The following KANK3 variants were observed in gnomAD, a reference collection of about 807,000 sequenced individuals.
KANK3 encodes KN motif and ankyrin repeat domains 3.
Under a neutral mutation model 65.4 loss-of-function variants are expected in KANK3, and 61 were observed. The ratio of observed to expected loss-of-function variants is 0.93; its 90% CI spans 0.76 to 1.15. The LOEUF (loss-of-function observed/expected upper bound fraction) is 1.15. Ranked by LOEUF, KANK3 falls within the 50% of genes most tolerant of loss-of-function variation. KANK3 has a pLI of 0.00. For synonymous variants in KANK3, 586 were observed against 543.3 expected (o/e 1.08, Z -1.09); for missense variants, 1,187 against 1,178.8 (o/e 1.01, Z -0.10).
At chr19:8,341,534 C>T (rs1426470128) in intron 1 of KANK3, among the ~76,000 whole-genome samples, 13 of 152,112 alleles carry the variant, frequency 8.5e-5, no homozygotes. Flanking sequence ...CCTCAGCCTC[C>T]CAAGCAGCTG....
rs750844441 is a variant in KANK3 at position 8,333,056 on chromosome 19, A to G, written c.1894T>C (p.Ser632Pro). 2 of 1,349,054 alleles carry G rather than the reference A, an allele frequency of 1.5e-6. No homozygotes were observed. The highest frequency in any genetic ancestry group is 4.3e-5 in the Admixed American group (2 of 46,026). The allele number at this position is 1,349,054 out of a possible 1,614,324, so 83.6% of individuals were successfully genotyped here. Residue 632 changes from serine (S) to proline (P), a missense_variant, in exon 7 of 11, where the codon TCC (serine) becomes CCC (proline). Coordinates refer to ENST00000330915, the MANE Select transcript of KANK3 (RefSeq NM_198471.3). The surrounding 1 kb of genome is among the most constrained non-coding windows in gnomAD (Gnocchi z 5.0). ...CTTGCGATGGCCAGGTTCCCGTGGG[A>G]CACACTGTAGTGCAGGGCCGTGTTC... ...NGNTALHYSV[S>P]HGNLAIASLL... is the part of the protein sequence containing the mutation.
intron 7 of KANK3, among the ~76,000 whole-genome samples, chr19:8,325,385 A>G (rs1356903959): frequency 1.4e-5 from 2 of 142,344 alleles, no homozygotes; most frequent in Admixed American, 7.5e-5. Context: ...GCTCACTGCA[A>G]TCTCCACCTC....
rs1393602333 is a variant in KANK3 at position 8,325,099 on chromosome 19, G to A, written c.1937-3C>T. 21 of 1,608,962 alleles carry A rather than the reference G, an allele frequency of 1.3e-5. No homozygotes were observed. Among genetic ancestry groups the A allele is most frequent in the Non-Finnish European group, 1.8e-5 (21 of 1,178,318 alleles). On this transcript the variant is annotated splice_region_variant and splice_polypyrimidine_tract_variant and intron_variant, in intron 7 of 10. Coordinates refer to ENST00000330915, the MANE Select transcript of KANK3 (RefSeq NM_198471.3). The stretch of plus-strand genomic sequence containing the variant: ...CTGGCGGTTGACCTCGCAGGCCCCT[G>A]GGAGAGAAAAGGGGGCCGTCCACGG...
Position 8,324,709 on chromosome 19 carries a change from C to T in KANK3, c.2204G>A (p.Cys735Tyr), listed in dbSNP as rs771155846. ...QDADGATALM[C>Y]ASEYGRLDTV... ...GTCCAGGCGCCCATACTCACTGGCA[C>T]ACATCAGCGCTGTGGCCCCATCCGC... Residue 735 changes from cysteine (C) to tyrosine (Y), a missense_variant, in exon 9 of 11, where the codon TGT becomes TAT. By Grantham distance (194) the Cys-to-Tyr change is radical. Around this residue, in one of 3 missense-constraint regions of KANK3, gnomAD observed 1,078 missense variants for 1,038.2 expected, o/e 1.04. Transcript: ENST00000330915. The T allele has an allele frequency of 6.2e-7, 1 of 1,614,058 alleles. No homozygotes were observed. The highest frequency in any genetic ancestry group is 1.6e-4 in the Middle Eastern group (1 of 6,062).
In KANK3 at chr19:8,335,160, G is replaced by A. The variant is rs1334009812; in HGVS notation, c.667C>T (p.Arg223Trp). ...QVRALRAEKA[R>W]LLAGRAQPEP... ...GGCTGCGCGCGCCCGGCCAGCAGCC[G>A]CGCCTTCTCGGCGCGCAGCGCGCGC... Residue 223 changes from arginine (R) to tryptophan (W), a missense_variant, in exon 3 of 11, where the codon CGG (arginine) becomes TGG (tryptophan). Physicochemically the swap from Arg to Trp is moderately radical, Grantham distance 101 (BLOSUM62 -3). Around this residue, in one of 3 missense-constraint regions of KANK3, gnomAD observed 1,078 missense variants for 1,038.2 expected, o/e 1.04. Transcript: ENST00000330915. 8.2e-7 allele frequency: 1 copy of A among 1,215,818 alleles called. No homozygotes were observed. The highest frequency in any genetic ancestry group is 1.6e-5 in the African/African-American group (1 of 63,070). 75.3% of individuals were successfully genotyped at this position (1,215,818 alleles called of 1,614,324 possible).
intron 7 of KANK3, among the ~76,000 whole-genome samples, chr19:8,329,609 A>C (rs1970490993): frequency 6.6e-6 from 1 of 152,076 alleles, no homozygotes; most frequent in Non-Finnish European, 1.5e-5. Context: ...CCCATCTAGA[A>C]ACAGGTTGTC....
intron 7 of KANK3, among the ~76,000 whole-genome samples, chr19:8,326,799 A>AG (rs1192282516): frequency 8.8e-6 from 1 of 113,480 alleles, no homozygotes; most frequent in Admixed American, 9.3e-5. Context: ...TCCATCTCTC[A>AG]GAAAAAAAAA....
At position 8,333,957 on chromosome 19, in the gene KANK3, G is replaced by A. The variant is rs1303585658; in HGVS notation, c.1587C>T (p.Asp529=). 2.6e-6 allele frequency: 4 copies of A among 1,564,512 alleles called. No individual in the cohort carries two copies. Among genetic ancestry groups the A allele is most frequent in the Non-Finnish European group, 2.6e-6 (3 of 1,159,524 alleles). The change falls in exon 5 of 11, where the codon GAC becomes GAT. Residue 529 remains aspartate, a synonymous_variant. Coordinates refer to ENST00000330915, the MANE Select transcript of KANK3 (RefSeq NM_198471.3). The surrounding 1 kb of genome is among the most constrained non-coding windows in gnomAD (Gnocchi z 5.0). ...PGPPSGGDIR[D]PEPEAEAEPQ... ...GCTCTGCCTCCGCCTCGGGCTCAGG[G>A]TCCCGGATGTCCCCGCCGCTGGGAG... is the stretch of plus-strand genomic sequence containing the variant.
At position 8,335,694 on chromosome 19, in the gene KANK3, C is replaced by T; in HGVS notation, c.133G>A (p.Asp45Asn). 1 of 1,254,374 alleles carries T rather than the reference C, an allele frequency of 8.0e-7. No homozygotes were observed. Among genetic ancestry groups the T allele is most frequent in the African/African-American group, 1.5e-5 (1 of 64,656 alleles). The allele number at this position is 1,254,374 out of a possible 1,614,324, so 77.7% of individuals were successfully genotyped here. A position where few individuals can be genotyped will look rare whatever the true frequency, so the allele number is the denominator to read the frequency against. Residue 45 changes from aspartate (D) to asparagine (N), a missense_variant, in exon 3 of 11, where the codon GAC becomes AAC. Coordinates refer to ENST00000330915, the MANE Select transcript of KANK3 (RefSeq NM_198471.3). ...TCTATGTACTTGAGGAAGTCCAGGTCCAGGTGGAAGCCGTAGGGCGTCTCC... is the reference window on the plus strand; with the variant it reads ...TCTATGTACTTGAGGAAGTCCAGGTTCAGGTGGAAGCCGTAGGGCGTCTCC... ...SVETPYGFHL[D>N]LDFLKYIEEL...
At chr19:8,341,484 C>T (rs918895462) in intron 1 of KANK3, among the ~76,000 whole-genome samples, 31 of 152,186 alleles carry the variant, frequency 2.0e-4, no homozygotes, top group African/African-American at 7.5e-4. Context: ...AATCTCAGCT[C>T]ACTGCAATCT....
intron 2 of KANK3, 23 bp downstream of exon 2, chr19:8,337,772 C>G (rs749667052): frequency 1.9e-6 from 3 of 1,611,890 alleles, no homozygotes; most frequent in Non-Finnish European, 2.5e-6. Flanking sequence ...CACACACACA[C>G]ATCTCTCTTT....
At chr19:8,339,836 C>A (rs903953290) in intron 1 of KANK3, among the ~76,000 whole-genome samples, 3 of 151,962 alleles carry the variant, frequency 2.0e-5, no homozygotes, top group Non-Finnish European at 4.4e-5. Flanking sequence ...TGTTGGCATG[C>A]ACCTGTAGTC....
In KANK3 at chr19:8,322,815, G is replaced by A. The variant is rs370910064; in HGVS notation, c.*24C>T. The A allele has an allele frequency of 5.8e-6, 9 of 1,563,178 alleles. No individual in the cohort carries two copies. Among genetic ancestry groups the A allele is most frequent in the Admixed American group, 1.7e-5 (1 of 58,704 alleles). On this transcript the variant is annotated 3_prime_UTR_variant, in exon 11 of 11. Transcript: ENST00000330915. The stretch of plus-strand genomic sequence containing the variant: ...GACGAGGAGATCTCCCCACAGCTAG[G>A]TGTAGTGAGCCAGACGAGGCAGCTT...
chr19:8,342,459 T>C (rs1012361669), intron 1 of KANK3, among the ~76,000 whole-genome samples: 1 of 152,168 alleles, frequency 6.6e-6, no homozygotes, highest in African/African-American at 2.4e-5. Flanking sequence ...ATCCGGATTC[T>C]GTGCCTGAGA....
Position 8,324,481 on chromosome 19 carries a change from C to CA in KANK3, c.2349dup (p.Ala784CysfsTer25). On this transcript the variant is annotated frameshift_variant, in exon 10 of 11. Coordinates refer to ENST00000330915, the MANE Select transcript of KANK3 (RefSeq NM_198471.3). LOFTEE classifies it low-confidence loss of function (END_TRUNC). ...TCGGGCTGGCCCGAGCTCAGGTGGG[C>CA]ATGTAGCAGAGCGGCCACCTCATCC... 6.2e-7 allele frequency: 1 copy of CA among 1,611,296 alleles called. No homozygotes were observed. Among genetic ancestry groups the CA allele is most frequent in the Non-Finnish European group, 8.5e-7 (1 of 1,178,820 alleles).
Position 8,335,072 on chromosome 19 carries a change from T to C in KANK3, c.755A>G (p.Glu252Gly). ...DKLAQLRRLT[E>G]RLATSERGGR... is the part of the protein sequence containing the mutation. Reference sequence around the variant, plus strand: ...GCCGCGCTCGGAGGTGGCCAGGCGCTCGGTGAGCCGCCGCAGCTGGGCGAG... The same window carrying C: ...GCCGCGCTCGGAGGTGGCCAGGCGCCCGGTGAGCCGCCGCAGCTGGGCGAG... Residue 252 changes from glutamate to glycine, a missense_variant, in exon 3 of 11, where the codon GAG (glutamate) becomes GGG (glycine). Transcript: ENST00000330915. 1 of 1,316,050 alleles carries C rather than the reference T, an allele frequency of 7.6e-7. No individual in the cohort carries two copies. Among genetic ancestry groups the C allele is most frequent in the Non-Finnish European group, 9.6e-7 (1 of 1,037,668 alleles). The allele number at this position is 1,316,050 out of a possible 1,614,324, so 81.5% of individuals were successfully genotyped here.
chr19:8,335,159 C>G lies in KANK3; in HGVS notation c.668G>C (p.Arg223Pro), dbSNP rs1298431036. ...GGGCTGCGCGCGCCCGGCCAGCAGC[C>G]GCGCCTTCTCGGCGCGCAGCGCGCG... is the stretch of plus-strand genomic sequence containing the variant. ...QVRALRAEKA[R>P]LLAGRAQPEP... The change falls in exon 3 of 11, where the codon CGG becomes CCG. Residue 223 changes from arginine to proline, a missense_variant. Physicochemically the swap from Arg to Pro is moderately radical, Grantham distance 103. Coordinates refer to ENST00000330915, the MANE Select transcript of KANK3 (RefSeq NM_198471.3). 8.2e-7 allele frequency: 1 copy of G among 1,215,642 alleles called. No homozygotes were observed. Among genetic ancestry groups the G allele is most frequent in the Non-Finnish European group, 1.0e-6 (1 of 978,740 alleles). 75.3% of individuals were successfully genotyped at this position (1,215,642 alleles called of 1,614,324 possible). A position where few individuals can be genotyped will look rare whatever the true frequency, so the allele number is the denominator to read the frequency against.
chr19:8,340,828 C>A (rs1451340006), intron 1 of KANK3, among the ~76,000 whole-genome samples: 1 of 152,182 alleles, frequency 6.6e-6, no homozygotes, highest in Admixed American at 6.6e-5. Flanking sequence ...CCCTTCACAC[C>A]AGCTGCAAGG....
chr19:8,340,300 A>C (rs1970709393), intron 1 of KANK3, among the ~76,000 whole-genome samples: 1 of 148,978 alleles, frequency 6.7e-6, no homozygotes, highest in Non-Finnish European at 1.5e-5. Context: ...ATACACACAC[A>C]CACACACACA....
Sources: allele counts gnomAD v4.1 joint callset (sites outside exome capture counted in the v4.1 genomes callset), GRCh38; gene constraint gnomAD v4.1.1; regional missense constraint gnomAD v4.1.1; non-coding constraint Gnocchi (gnomAD v3.1); transcripts MANE v1.5; gene names NCBI Gene and HGNC (gene_info 2026-07-23, HGNC 2026-07-21).